Variants in KMT2D observed in about 807,000 individuals in gnomAD.
KMT2D encodes the protein histone-lysine N-methyltransferase 2D.
KMT2D carries 55 observed loss-of-function variants against 512.7 expected under a neutral mutation model. That is an observed-to-expected ratio of 0.11 (90% confidence interval 0.09 to 0.13). KMT2D has a LOEUF of 0.13. Ranked by LOEUF, KMT2D falls within the 10% of genes least tolerant of loss-of-function variation. The probability of loss-of-function intolerance (pLI) is 1.00; values close to 1 mark genes in which losing one functional copy is unlikely to be tolerated. For missense variants in KMT2D, 6,061 were observed against 7,127.9 expected, an observed-to-expected ratio of 0.85 and a Z score of 5.39; for synonymous variants, 2,995 against 2,904.0, an observed-to-expected ratio of 1.03 and a Z score of -1.01.
Position 49,022,444 on chromosome 12 carries a change from G to C in KMT2D, c.16339-91C>G, listed in dbSNP as rs531629978. ...ATCAGGTAGGAGACTCAGGCAGTGG[G>C]GGCTTTTGTTGCATGTACTTCATTT... On this transcript the variant is annotated intron_variant, in intron 52 of 54. Coordinates refer to ENST00000301067, the MANE Select transcript of KMT2D (RefSeq NM_003482.4). This position sits in a 1 kb window ranked among gnomAD's most constrained non-coding sequence, Gnocchi z 8.6. 2.0e-6 allele frequency: 3 copies of C among 1,495,728 alleles called. No individual in the cohort carries two copies. The highest frequency in any genetic ancestry group is 2.8e-6 in the Non-Finnish European group (3 of 1,085,598). 92.7% of individuals were successfully genotyped at this position (1,495,728 alleles called of 1,614,324 possible). A position where few individuals can be genotyped will look rare whatever the true frequency, so the allele number is the denominator to read the frequency against.
chr12:49,037,448 G>A lies in KMT2D; in HGVS notation c.9908C>T (p.Ser3303Phe), dbSNP rs2120479231. ...QAMSLPHEGS[S>F]PSLAGSQQQL... ...CTGTTGGGACCCAGCCAAACTGGGA[G>A]AAGAGCCCTCATGTGGCAAAGACAT... Residue 3303 changes from serine (S) to phenylalanine (F), a missense_variant, in exon 35 of 55, where the codon TCT (serine) becomes TTT (phenylalanine). Coordinates refer to ENST00000301067, the MANE Select transcript of KMT2D (RefSeq NM_003482.4). The A allele has an allele frequency of 6.3e-7, 1 of 1,580,196 alleles. No homozygotes were observed.
rs1448420879 is a variant in KMT2D at position 49,022,498 on chromosome 12, G to A, written c.16338+92C>T. On this transcript the variant is annotated intron_variant, in intron 52 of 54. Transcript: ENST00000301067. This position sits in a 1 kb window ranked among gnomAD's most constrained non-coding sequence, Gnocchi z 8.6. Reference sequence around the variant, plus strand: ...CTGCCTTTCCCTTCTCCCCACCACAGCTTTCCTCCTGCTCTCCTGTGACCA... The same window carrying A: ...CTGCCTTTCCCTTCTCCCCACCACAACTTTCCTCCTGCTCTCCTGTGACCA... 3.3e-6 allele frequency: 5 copies of A among 1,537,254 alleles called. No individual in the cohort carries two copies. The highest frequency in any genetic ancestry group is 4.4e-6 in the Non-Finnish European group (5 of 1,125,198).
Position 49,032,687 on chromosome 12 carries a change from A to T in KMT2D, c.12018T>A (p.Leu4006=). The T allele has an allele frequency of 6.2e-7, 1 of 1,613,592 alleles. No homozygotes were observed. Among genetic ancestry groups the T allele is most frequent in the Non-Finnish European group, 8.5e-7 (1 of 1,179,752 alleles). ...ALGPGMPAKP[L]QHFSSPGALG... ...GGGCTCCAGGGCTAGAAAAGTGTTG[A>T]AGAGGCTTTGCTGGCATGCCAGGGC... Residue 4006 remains leucine (L), a synonymous_variant, in exon 40 of 55, where the codon CTT becomes CTA. Transcript: ENST00000301067.
Position 49,060,025 on chromosome 12 carries a change from G to A in KMT2D, c.-450C>T, listed in dbSNP as rs1453961702. On this transcript the variant is annotated 5_prime_UTR_variant, in exon 1 of 55. Transcript: ENST00000301067. ...GAGGCTCTCCAGATGGAACGTCGAG[G>A]CGCCTCCCCAGCAGCCCGGAAGGAA... is the stretch of plus-strand genomic sequence containing the variant. 6.6e-6 allele frequency among the ~76,000 whole-genome samples: 1 copy of A among 151,554 alleles called. No individual in the cohort carries two copies. The highest frequency in any genetic ancestry group is 2.4e-5 in the African/African-American group (1 of 41,294).
chr12:49,038,915 T>C lies in KMT2D; in HGVS notation c.8441A>G (p.Gln2814Arg), dbSNP rs1474764134. The change falls in exon 35 of 55, where the codon CAG becomes CGG. Residue 2814 changes from glutamine (Q) to arginine (R), a missense_variant. Physicochemically the swap from Gln to Arg is conservative, Grantham distance 43. Around this residue, in one of 16 missense-constraint regions of KMT2D, gnomAD observed 527 missense variants for 578.9 expected, o/e 0.91. Coordinates refer to ENST00000301067, the MANE Select transcript of KMT2D (RefSeq NM_003482.4). The surrounding 1 kb of genome is among the most constrained non-coding windows in gnomAD (Gnocchi z 5.7). ...CTGTTGTTGCTGCCACAGTTGTTGC[T>C]GTTGCTGCTGTAAGGGCAGGGACCC... ...YPGSLPLQQQ[Q>R]QQLWQQQQAT... 1.9e-6 allele frequency: 3 copies of C among 1,551,616 alleles called. No individual in the cohort carries two copies. The highest frequency in any genetic ancestry group is 3.9e-5 in the Admixed American group (2 of 50,998).
At position 49,041,714 on chromosome 12, in the gene KMT2D, T is replaced by C; in HGVS notation, c.6184-9A>G. On this transcript the variant is annotated splice_polypyrimidine_tract_variant and intron_variant, in intron 30 of 54. Transcript: ENST00000301067. The surrounding 1 kb of genome is among the most constrained non-coding windows in gnomAD (Gnocchi z 5.4). The stretch of plus-strand genomic sequence containing the variant: ...TTATCTTTGGCCTTTTGCTGAGGGA[T>C]ATGGGACACAGCCTTAGGGCCTAGT... 6.2e-7 allele frequency: 1 copy of C among 1,609,110 alleles called. No homozygotes were observed. Among genetic ancestry groups the C allele is most frequent in the Non-Finnish European group, 8.5e-7 (1 of 1,177,506 alleles).
chr12:49,033,116 C>CTGT lies in KMT2D; in HGVS notation c.11586_11588dup (p.Gln3863dup). On this transcript the variant is annotated inframe_insertion, in exon 40 of 55. Coordinates refer to ENST00000301067, the MANE Select transcript of KMT2D (RefSeq NM_003482.4). ...CTGCCATGGACCCTTGCTGTTGGTG[C>CTGT]TGTTGTTGCTGCTGCTGCTGCTGGG... 1 of 1,551,498 alleles carries CTGT rather than the reference C, an allele frequency of 6.4e-7. No homozygotes were observed.
intron 14 of KMT2D, among the ~76,000 whole-genome samples, 152 bp downstream of exon 14, chr12:49,048,507 G>C (rs933388564): frequency 6.6e-6 from 1 of 152,232 alleles, no homozygotes; most frequent in African/African-American, 2.4e-5. Context: ...AAATGTGATG[G>C]ATGGACAAAC....
At chr12:49,055,473 A>G in intron 1 of KMT2D, 112 bp from the exon 2 acceptor site, 1 of 653,526 alleles carries the variant, frequency 1.5e-6, no homozygotes, top group Non-Finnish European at 2.7e-6. Context: ...GAGCAAAGCC[A>G]TACTACAAAC....
At position 49,041,268 on chromosome 12, in the gene KMT2D, G is replaced by C. The variant is rs2120544224; in HGVS notation, c.6502C>G (p.Pro2168Ala). ...GGGTCCTGCGAAGGCACTTGGGCGG[G>C]CACCTGGGGTGGGAGCTTGAGGAAG... ...ELFLKLPPQV[P>A]AQVPSQDPFG... Residue 2168 changes from proline to alanine, a missense_variant, in exon 32 of 55, where the codon CCC (proline) becomes GCC (alanine). Around this residue, in one of 16 missense-constraint regions of KMT2D, gnomAD observed 710 missense variants for 647.3 expected, o/e 1.10. Coordinates refer to ENST00000301067, the MANE Select transcript of KMT2D (RefSeq NM_003482.4). This position sits in a 1 kb window ranked among gnomAD's most constrained non-coding sequence, Gnocchi z 5.4. 6.6e-7 allele frequency: 1 copy of C among 1,517,772 alleles called. No individual in the cohort carries two copies. The highest frequency in any genetic ancestry group is 2.3e-5 in the East Asian group (1 of 43,808). 94.0% of individuals were successfully genotyped at this position (1,517,772 alleles called of 1,614,324 possible).
In KMT2D at chr12:49,028,029, T is replaced by A. The variant is rs1942695227; in HGVS notation, c.14495A>T (p.Lys4832Met). The change falls in exon 47 of 55, where the codon AAG (lysine) becomes ATG (methionine). Residue 4832 changes from lysine (K) to methionine (M), a missense_variant. This residue lies in a region of KMT2D where 1,600 missense variants were observed against 1,754.9 expected (regional missense o/e 0.91). Transcript: ENST00000301067. ...CTCACCAGGACCCTCAGCTTCCCCCTTCTTTGGCTCAGTGCCTGCCCGGGC... is the reference window on the plus strand; with the variant it reads ...CTCACCAGGACCCTCAGCTTCCCCCATCTTTGGCTCAGTGCCTGCCCGGGC... Reference protein sequence around the residue: ...SPARAGTEPKKGEAEGPGGKE... With the variant: ...SPARAGTEPKMGEAEGPGGKE... 6.2e-7 allele frequency: 1 copy of A among 1,613,156 alleles called. No individual in the cohort carries two copies. The highest frequency in any genetic ancestry group is 1.1e-5 in the South Asian group (1 of 90,868).
rs1218338638 is a variant in KMT2D, at chr12:49,038,705, A to G, written c.8651T>C (p.Val2884Ala). 81 of 1,611,082 alleles carry G rather than the reference A, an allele frequency of 5.0e-5. No homozygotes were observed. Among genetic ancestry groups the G allele is most frequent in the Non-Finnish European group, 6.7e-5 (79 of 1,179,000 alleles). ...GCCCCCAGGTCCCAGTCCTTTCTGT[A>G]CATTGTGCCGCAGCTCAATGAACTG... ...PAQFIELRHN[V>A]QKGLGPGGTP... is the part of the protein sequence containing the mutation. The change falls in exon 35 of 55, where the codon GTA becomes GCA. Residue 2884 changes from valine (V) to alanine (A), a missense_variant. Val to Ala is a moderately conservative substitution (Grantham distance 64). Transcript: ENST00000301067. This position sits in a 1 kb window ranked among gnomAD's most constrained non-coding sequence, Gnocchi z 5.7.
At position 49,024,619 on chromosome 12, in the gene KMT2D, G is replaced by A; in HGVS notation, c.16011C>T (p.Gly5337=). 1 of 1,613,888 alleles carries A rather than the reference G, an allele frequency of 6.2e-7. No homozygotes were observed. The highest frequency in any genetic ancestry group is 8.5e-7 in the Non-Finnish European group (1 of 1,179,846). The change falls in exon 51 of 55, where the codon GGC becomes GGT. Residue 5337 remains glycine, a synonymous_variant. Coordinates refer to ENST00000301067, the MANE Select transcript of KMT2D (RefSeq NM_003482.4). This position sits in a 1 kb window ranked among gnomAD's most constrained non-coding sequence, Gnocchi z 4.5. ...GGATTTTAGGCTCTGATCGGGCACA[G>A]CCAGTGGGGTTGATCATGAGTGGCA... The part of the protein sequence containing the change: ...MELPLMINPT[G]CARSEPKILT...
Position 49,033,915 on chromosome 12 carries a change from T to C in KMT2D, c.10790A>G (p.Asn3597Ser). 2 of 1,541,466 alleles carry C rather than the reference T, an allele frequency of 1.3e-6. No homozygotes were observed. The highest frequency in any genetic ancestry group is 1.7e-6 in the Non-Finnish European group (2 of 1,143,330). The change falls in exon 40 of 55, where the codon AAC becomes AGC. Residue 3597 changes from asparagine to serine, a missense_variant. Around this residue, in one of 16 missense-constraint regions of KMT2D, gnomAD observed 50 missense variants for 119.9 expected, o/e 0.42. Coordinates refer to ENST00000301067, the MANE Select transcript of KMT2D (RefSeq NM_003482.4). ...EHTNLMAEYR[N>S]KQQQQQQQQQ... is the part of the protein sequence containing the mutation. ...CTGCTGCTGTTGTTGCTGCTGCTTG[T>C]TCCGATATTCTGCCATGAGATTAGT...
rs908795312 is a variant in KMT2D at position 49,043,920 on chromosome 12, C to T, written c.5267G>A (p.Arg1756Gln). 5 of 1,613,958 alleles carry T rather than the reference C, an allele frequency of 3.1e-6. No homozygotes were observed. The highest frequency in any genetic ancestry group is 1.3e-5 in the African/African-American group (1 of 74,950). ...CAGTTTGCTCTTCTTGCGCCCTCGC[C>T]GCTGTTGCTTCTTCTTCTCATCCCC... is the stretch of plus-strand genomic sequence containing the variant. ...AEGDEKKKQQ[R>Q]RGRKKSKLED... Residue 1756 changes from arginine to glutamine, a missense_variant, in exon 23 of 55, where the codon CGG becomes CAG. By Grantham distance (43) the Arg-to-Gln change is conservative. This residue lies in a region of KMT2D where 640 missense variants were observed against 814.3 expected (regional missense o/e 0.79). Coordinates refer to ENST00000301067, the MANE Select transcript of KMT2D (RefSeq NM_003482.4).
In KMT2D at chr12:49,022,108, C is replaced by T. The variant is rs2137703828; in HGVS notation, c.16456G>A (p.Val5486Met). Reference sequence around the variant, plus strand: ...ATTTTGTCCTCTTTGTCAAATGTCACGACTTCGGCCACACAGTTAGGGGCA... The same window carrying T: ...ATTTTGTCCTCTTTGTCAAATGTCATGACTTCGGCCACACAGTTAGGGGCA... ...SCAPNCVAEVVTFDKEDKIII... is the reference protein window; with the variant it reads ...SCAPNCVAEVMTFDKEDKIII... The change falls in exon 54 of 55, where the codon GTG (valine) becomes ATG (methionine). Residue 5486 changes from valine to methionine, a missense_variant. By Grantham distance (21) the Val-to-Met change is conservative. This residue lies in a region of KMT2D where 44 missense variants were observed against 194.7 expected (regional missense o/e 0.23). Coordinates refer to ENST00000301067, the MANE Select transcript of KMT2D (RefSeq NM_003482.4). The surrounding 1 kb of genome is among the most constrained non-coding windows in gnomAD (Gnocchi z 8.6). The T allele has an allele frequency of 1.2e-6, 2 of 1,613,940 alleles. No individual in the cohort carries two copies. Among genetic ancestry groups the T allele is most frequent in the East Asian group, 2.2e-5 (1 of 44,886 alleles).
Position 49,051,662 on chromosome 12 carries a change from G to A in KMT2D, c.2021C>T (p.Pro674Leu), listed in dbSNP as rs759891414. ...PPPEESPLSP[P>L]PEESPTSPPP... The stretch of plus-strand genomic sequence containing the variant: ...AGGGGACGTGGGAGACTCCTCAGGC[G>A]GTGGGGACAAGGGAGATTCCTCAGG... The change falls in exon 11 of 55, where the codon CCG becomes CTG. Residue 674 changes from proline (P) to leucine (L), a missense_variant. Around this residue, in one of 16 missense-constraint regions of KMT2D, gnomAD observed 848 missense variants for 838.5 expected, o/e 1.01. Coordinates refer to ENST00000301067, the MANE Select transcript of KMT2D (RefSeq NM_003482.4). The A allele has an allele frequency of 1.8e-5, 29 of 1,574,138 alleles. No individual in the cohort carries two copies. Among genetic ancestry groups the A allele is most frequent in the African/African-American group, 2.7e-5 (2 of 73,808 alleles).
chr12:49,056,372 A>C lies in KMT2D; in HGVS notation c.-37-1011T>G, dbSNP rs117832453. On this transcript the variant is annotated intron_variant, in intron 1 of 54. Coordinates refer to ENST00000301067, the MANE Select transcript of KMT2D (RefSeq NM_003482.4). Reference sequence around the variant, plus strand: ...CCTGTATCAGAGCCAAATGAAACACACTAAAGTTATACCTAAAAAAGTTGA... The same window carrying C: ...CCTGTATCAGAGCCAAATGAAACACCCTAAAGTTATACCTAAAAAAGTTGA... 2.0e-4 allele frequency among the ~76,000 whole-genome samples: 31 copies of C among 152,178 alleles called. No homozygotes were observed. The East Asian group carries it at 5.8e-3, about 28-fold the overall frequency.
chr12:49,031,191 G>A lies in KMT2D; in HGVS notation c.13514C>T (p.Thr4505Ile), dbSNP rs2120417024. The change falls in exon 40 of 55, where the codon ACC becomes ATC. Residue 4505 changes from threonine (T) to isoleucine (I), a missense_variant. Physicochemically the swap from Thr to Ile is moderately conservative, Grantham distance 89 (BLOSUM62 -1). Around this residue, in one of 16 missense-constraint regions of KMT2D, gnomAD observed 1,600 missense variants for 1,754.9 expected, o/e 0.91. Transcript: ENST00000301067. ...LAGLEQKLQG[T>I]PSNKEDAAAR... ...AGTACTCACCTCCTTGTTGCTGGGGGTACCCTGTAGTTTCTGCTCCAGCCC... is the reference window on the plus strand; with the variant it reads ...AGTACTCACCTCCTTGTTGCTGGGGATACCCTGTAGTTTCTGCTCCAGCCC... The A allele has an allele frequency of 6.2e-7, 1 of 1,608,960 alleles. No individual in the cohort carries two copies. Among genetic ancestry groups the A allele is most frequent in the Non-Finnish European group, 8.5e-7 (1 of 1,176,830 alleles).
Sources: gnomAD v4.1 joint callset for allele counts (sites outside exome capture counted in the v4.1 genomes callset) on GRCh38, gnomAD v4.1.1 for gene constraint, gnomAD v4.1.1 regional missense constraint, Gnocchi (gnomAD v3.1) non-coding constraint, MANE v1.5 for transcripts, NCBI Gene and HGNC (gene_info 2026-07-23, HGNC 2026-07-21) for gene names.